Variants in CCR6 observed in about 807,000 individuals in gnomAD.
The protein encoded by CCR6 is C-C motif chemokine receptor 6.
Under a neutral mutation model 3.0 loss-of-function variants are expected in CCR6, and 2 were observed. The ratio of observed to expected loss-of-function variants is 0.66; its 90% CI spans 0.27 to 2.07. The LOEUF (loss-of-function observed/expected upper bound fraction) is 2.07, where lower values mean the gene tolerates loss of function less well. Among genes scored for constraint, CCR6 ranks in the 30% most tolerant of loss-of-function variants. CCR6 has a pLI of 0.14. For synonymous variants in CCR6, 193 were observed against 184.3 expected (o/e 1.05, Z -0.38); for missense variants, 322 against 462.8 (o/e 0.70, Z 2.79).
chr6:167,118,325 G>C (rs185639277), upstream of CCR6, among the ~76,000 whole-genome samples: 1 of 152,334 alleles, frequency 6.6e-6, no homozygotes, highest in Admixed American at 6.5e-5. Flanking sequence ...TTAGGAGACA[G>C]ACATCTAGAG....
At chr6:167,127,540 C>T (rs1462363102) in intron 1 of CCR6, among the ~76,000 whole-genome samples, 1 of 152,208 alleles carries the variant, frequency 6.6e-6, no homozygotes, top group Non-Finnish European at 1.5e-5. Flanking sequence ...TAAGAAGAAA[C>T]AGCTCCTAAA....
chr6:167,121,559 T>G (rs1416883818), upstream of CCR6: 2 of 151,700 alleles, frequency 1.3e-5, no homozygotes, highest in East Asian at 1.9e-4. Context: ...ATGGTAGAAA[T>G]GAGGAGGAGG....
At chr6:167,129,302 A>G (rs556970161) in intron 1 of CCR6, among the ~76,000 whole-genome samples, 2 of 152,290 alleles carry the variant, frequency 1.3e-5, no homozygotes, top group East Asian at 3.9e-4. Context: ...CAGTTTATTG[A>G]CTGTTACCAC....
At position 167,138,910 on chromosome 6, in the gene CCR6, C is replaced by T. The variant is rs1409727835; in HGVS notation, c.*1555C>T. ...TGCCATTGCACTCCAGCCTGGGTGA[C>T]AAAGCGAGACTCCATCTCAAAAAAA... On this transcript the variant is annotated 3_prime_UTR_variant, in exon 3 of 3. Transcript: ENST00000341935. The T allele has an allele frequency of 2.0e-5, 2 of 99,788 alleles. No individual in the cohort carries two copies. Among genetic ancestry groups the T allele is most frequent in the African/African-American group, 7.6e-5 (2 of 26,448 alleles). The allele number at this position is 99,788 out of a possible 1,614,324, so 6.2% of individuals were successfully genotyped here.
chr6:167,116,384 A>G (rs968066506), intron 1 of CCR6, among the ~76,000 whole-genome samples: 1 of 151,986 alleles, frequency 6.6e-6, no homozygotes, highest in Non-Finnish European at 1.5e-5. Context: ...TTTAGATCAA[A>G]TTGACCTTTC....
At chr6:167,123,368 T>C (rs1781617577) in intron 1 of CCR6, 145 bp downstream of exon 1, 1 of 152,460 alleles carries the variant, frequency 6.6e-6, no homozygotes, top group Admixed American at 6.5e-5. Context: ...GACACAGACT[T>C]CCTTTCCTGA....
intron 1 of CCR6, chr6:167,115,215 C>G (rs9459882): frequency 0.43 from 66,119 of 152,102 alleles, 14,543 homozygotes; most frequent in Admixed American, 0.51. Context: ...CAGTTGGCTG[C>G]TGGGTCAGAG....
upstream of CCR6, among the ~76,000 whole-genome samples, chr6:167,118,727 G>A (rs1002023106): frequency 1.3e-5 from 2 of 152,166 alleles, no homozygotes; most frequent in Admixed American, 1.3e-4. Flanking sequence ...ATTGGTGTAT[G>A]AACTTGAGGA....
chr6:167,116,006 C>T (rs1373638305), intron 1 of CCR6: 1 of 152,234 alleles, frequency 6.6e-6, no homozygotes, highest in East Asian at 1.9e-4. Context: ...CCATTTTCCT[C>T]CTAGTTCAAA....
Position 167,136,271 on chromosome 6 carries a change from C to T in CCR6, c.41C>T (p.Ser14Phe), listed in dbSNP as rs1781848592. ...ESMNFSDVFDSSEDYFVSVNT... is the reference protein window; with the variant it reads ...ESMNFSDVFDFSEDYFVSVNT... ...ATGAATTTCAGCGATGTTTTCGACTCCAGTGAAGATTATTTTGTGTCAGTC... is the reference window on the plus strand; with the variant it reads ...ATGAATTTCAGCGATGTTTTCGACTTCAGTGAAGATTATTTTGTGTCAGTC... Residue 14 changes from serine (S) to phenylalanine (F), a missense_variant, in exon 3 of 3, where the codon TCC (serine) becomes TTC (phenylalanine). Physicochemically the swap from Ser to Phe is radical, Grantham distance 155 (BLOSUM62 -2). Transcript: ENST00000341935. This position sits in a 1 kb window ranked among gnomAD's most constrained non-coding sequence, Gnocchi z 4.6. 3 of 1,608,526 alleles carry T rather than the reference C, an allele frequency of 1.9e-6. No homozygotes were observed. In the South Asian group the frequency reaches 3.3e-5, roughly 18 times the overall value.
intron 1 of CCR6, among the ~76,000 whole-genome samples, chr6:167,117,507 C>T (rs1443790792): frequency 6.7e-6 from 1 of 150,134 alleles, no homozygotes; most frequent in East Asian, 2.0e-4. Context: ...AGCTCCGCCT[C>T]CCGGGTTCAC....
At chr6:167,121,976 C>G (rs1781595444), upstream of CCR6, among the ~76,000 whole-genome samples, 1 of 152,158 alleles carries the variant, frequency 6.6e-6, no homozygotes, top group Admixed American at 6.5e-5. Context: ...TGGGGTTGAG[C>G]AGGACACAGG....
upstream of CCR6, among the ~76,000 whole-genome samples, chr6:167,119,657 A>T (rs1261690963): frequency 6.6e-6 from 1 of 152,240 alleles, no homozygotes; most frequent in Non-Finnish European, 1.5e-5. Flanking sequence ...CATCTTCGTA[A>T]ACTCCAAAAT....
At chr6:167,113,372 G>T (rs771293680) in intron 1 of CCR6, among the ~76,000 whole-genome samples, 10 of 152,194 alleles carry the variant, frequency 6.6e-5, no homozygotes, top group Non-Finnish European at 1.5e-4. Flanking sequence ...AGTCAGGCAC[G>T]CTGGAAGTGA....
intron 1 of CCR6, among the ~76,000 whole-genome samples, chr6:167,133,932 G>GTGTATATATATATA (rs1183741225): frequency 0.035 from 3,900 of 109,890 alleles, 542 homozygotes; most frequent in Non-Finnish European, 0.048. Flanking sequence ...ATATATGTGT[G>GTGTATATATATATA]TATATATATA....
At chr6:167,119,396 C>T (rs908305906), upstream of CCR6, 7 of 152,308 alleles carry the variant, frequency 4.6e-5, no homozygotes, top group African/African-American at 1.7e-4. Flanking sequence ...AACTTTCCAA[C>T]TATATGAGTT....
rs183285850 is a variant in CCR6 at position 167,123,910 on chromosome 6, G to A, written c.-98+687G>A. On this transcript the variant is annotated intron_variant, in intron 1 of 2. Transcript: ENST00000341935. The stretch of plus-strand genomic sequence containing the variant: ...GTGTATCAGCTGAGGTCAGGAGTTC[G>A]AGACCAGCCTGGCCAACATGGTAAA... Among the ~76,000 whole-genome samples the A allele has an allele frequency of 8.6e-4, 131 of 152,292 alleles. 1 individual carries two copies. The East Asian group carries it at 0.02, about 24-fold the overall frequency.
Position 167,136,455 on chromosome 6 carries a change from GA to G in CCR6, c.227del (p.Lys76ArgfsTer5). ...LVVITFAFYK[K>X]ARSMTDVYLL... ...TGGTGATCACCTTTGCTTTTTATAA[GA>G]AGGCCAGGTCTATGACAGACGTCTA... On this transcript the variant is annotated frameshift_variant, in exon 3 of 3. Coordinates refer to ENST00000341935, the MANE Select transcript of CCR6 (RefSeq NM_031409.4). LOFTEE classifies it low-confidence loss of function (END_TRUNC). This position sits in a 1 kb window ranked among gnomAD's most constrained non-coding sequence, Gnocchi z 4.6. 6.2e-7 allele frequency: 1 copy of G among 1,608,220 alleles called. No homozygotes were observed. The highest frequency in any genetic ancestry group is 8.5e-7 in the Non-Finnish European group (1 of 1,177,544).
chr6:167,117,507 C>A (rs1443790792), intron 1 of CCR6, among the ~76,000 whole-genome samples: 1 of 150,024 alleles, frequency 6.7e-6, no homozygotes, highest in Non-Finnish European at 1.5e-5. Flanking sequence ...AGCTCCGCCT[C>A]CCGGGTTCAC....
Sources: allele counts gnomAD v4.1 joint callset (sites outside exome capture counted in the v4.1 genomes callset), GRCh38; gene constraint gnomAD v4.1.1; non-coding constraint Gnocchi (gnomAD v3.1); transcripts MANE v1.5; gene names NCBI Gene and HGNC (gene_info 2026-07-23, HGNC 2026-07-21).